The following IGF1R variants were observed in gnomAD, a reference collection of about 807,000 sequenced individuals.
The protein encoded by IGF1R is insulin-like growth factor 1 receptor.
A neutral mutation model predicts 144.6 loss-of-function variants in IGF1R; 44 were observed. The ratio of observed to expected loss-of-function variants is 0.30; its 90% CI spans 0.24 to 0.39. The LOEUF is 0.39. Among genes scored for constraint, IGF1R ranks in the 10% least tolerant of loss-of-function variants. The probability of loss-of-function intolerance (pLI) is 1.00; values close to 1 mark genes in which losing one functional copy is unlikely to be tolerated. For missense variants in IGF1R, 1,355 were observed against 1,833.7 expected (o/e 0.74, Z 4.77); for synonymous variants, 795 against 722.8 (o/e 1.10, Z -1.60).
At chr15:98,885,184 G>A (rs538419137) in intron 2 of IGF1R, among the ~76,000 whole-genome samples, 239 of 152,298 alleles carry the variant, frequency 1.6e-3, no homozygotes, top group African/African-American at 5.5e-3. Context: ...TGAGCCCTGG[G>A]AGGGCTGGGC....
chr15:98,799,696 G>A (rs549801762), intron 2 of IGF1R, among the ~76,000 whole-genome samples: 2 of 152,304 alleles, frequency 1.3e-5, no homozygotes, highest in East Asian at 3.9e-4. Flanking sequence ...AGTGCTGAGG[G>A]CTGCTGTTAC....
At chr15:98,712,080 T>C (rs995804316) in intron 2 of IGF1R, among the ~76,000 whole-genome samples, 1 of 152,178 alleles carries the variant, frequency 6.6e-6, no homozygotes, top group Non-Finnish European at 1.5e-5. Flanking sequence ...CATAAGAATT[T>C]TGAGGGGACA....
At position 98,888,213 on chromosome 15, in the gene IGF1R, C is replaced by T. The variant is rs144799545; in HGVS notation, c.641-3112C>T. ...GGGGACAGGATTGTCGCTGATCCTGCGTGCATCTGTCTGGCACACAGGTGC... is the reference window on the plus strand; with the variant it reads ...GGGGACAGGATTGTCGCTGATCCTGTGTGCATCTGTCTGGCACACAGGTGC... On this transcript the variant is annotated intron_variant, in intron 2 of 20. Transcript: ENST00000650285. 2.6e-5 allele frequency among the ~76,000 whole-genome samples: 4 copies of T among 152,306 alleles called. No homozygotes were observed. In the South Asian group the frequency reaches 8.3e-4, roughly 32 times the overall value.
At chr15:98,850,025 TAGAG>T (rs2011475715) in intron 2 of IGF1R, among the ~76,000 whole-genome samples, 1 of 152,192 alleles carries the variant, frequency 6.6e-6, no homozygotes, top group Non-Finnish European at 1.5e-5. Flanking sequence ...CCACCAATCT[TAGAG>T]GGGGCATTTA....
At chr15:98,805,001 A>G (rs908860709) in intron 2 of IGF1R, among the ~76,000 whole-genome samples, 5 of 152,224 alleles carry the variant, frequency 3.3e-5, no homozygotes, top group Admixed American at 3.3e-4. Flanking sequence ...CGGCCGCTGC[A>G]GAGAATTTTT....
intron 2 of IGF1R, among the ~76,000 whole-genome samples, chr15:98,783,347 C>T (rs546355993): frequency 1.6e-4 from 25 of 152,272 alleles, no homozygotes; most frequent in African/African-American, 4.8e-4. Context: ...TACAAACTAA[C>T]CTGTTCTCTC....
chr15:98,767,839 C>T (rs2055473460), intron 2 of IGF1R, among the ~76,000 whole-genome samples: 1 of 152,282 alleles, frequency 6.6e-6, no homozygotes. Flanking sequence ...AGGTGGGGAA[C>T]ACTGTGTCTC....
intron 1 of IGF1R, among the ~76,000 whole-genome samples, chr15:98,682,501 A>G (rs758151538): frequency 5.9e-5 from 9 of 152,162 alleles, no homozygotes; most frequent in Non-Finnish European, 1.3e-4. Flanking sequence ...GAGCTTGTCT[A>G]CGTTTTTACA....
intron 2 of IGF1R, among the ~76,000 whole-genome samples, chr15:98,884,907 C>T (rs563013425): frequency 9.9e-5 from 15 of 152,232 alleles, no homozygotes; most frequent in Admixed American, 8.5e-4. Context: ...CCAGGCTCTC[C>T]CTACCTCAGG....
chr15:98,905,491 T>TAA (rs67289421), intron 5 of IGF1R, among the ~76,000 whole-genome samples: 1 of 142,436 alleles, frequency 7.0e-6, no homozygotes, highest in Non-Finnish European at 1.5e-5. Flanking sequence ...TACCAGCTGT[T>TAA]AAAAAAAAAA....
At chr15:98,846,349 A>T (rs990612394) in intron 2 of IGF1R, among the ~76,000 whole-genome samples, 4 of 152,236 alleles carry the variant, frequency 2.6e-5, no homozygotes, top group African/African-American at 7.2e-5. Context: ...ATTGACCAGG[A>T]TGAAGACACA....
At chr15:98,883,183 G>A (rs529054808) in intron 2 of IGF1R, among the ~76,000 whole-genome samples, 14 of 152,204 alleles carry the variant, frequency 9.2e-5, no homozygotes, top group Non-Finnish European at 1.5e-4. Context: ...CACAGCGCTT[G>A]CCACTTGAAC....
intron 2 of IGF1R, among the ~76,000 whole-genome samples, chr15:98,834,192 G>A (rs2057053250): frequency 6.6e-6 from 1 of 152,126 alleles, no homozygotes; most frequent in African/African-American, 2.4e-5. Flanking sequence ...TACCTTTTTT[G>A]GGAAAGAGTT....
chr15:98,841,459 A>C (rs2011173435), intron 2 of IGF1R, among the ~76,000 whole-genome samples: 1 of 152,236 alleles, frequency 6.6e-6, no homozygotes. Context: ...GTGCTGAATA[A>C]GTATCAGCTA....
At chr15:98,888,434 A>AGT (rs1485692023) in intron 2 of IGF1R, among the ~76,000 whole-genome samples, 1 of 20,460 alleles carries the variant, frequency 4.9e-5, no homozygotes, top group Non-Finnish European at 2.1e-4. Flanking sequence ...TGAGAGAGAG[A>AGT]GAGAGTGTGT....
At chr15:98,865,542 T>G (rs899010234) in intron 2 of IGF1R, among the ~76,000 whole-genome samples, 1 of 152,176 alleles carries the variant, frequency 6.6e-6, no homozygotes, top group Non-Finnish European at 1.5e-5. Context: ...GGCTTCGGCA[T>G]GTGCTAAAGT....
At position 98,839,840 on chromosome 15, in the gene IGF1R, C is replaced by T. The variant is rs541065339; in HGVS notation, c.641-51485C>T. Among the ~76,000 whole-genome samples, 7 of 152,312 alleles carry T rather than the reference C, an allele frequency of 4.6e-5. No homozygotes were observed. In the East Asian group the frequency reaches 1.2e-3, roughly 25 times the overall value. On this transcript the variant is annotated intron_variant, in intron 2 of 20. Coordinates refer to ENST00000650285, the MANE Select transcript of IGF1R (RefSeq NM_000875.5). ...TCATCTGTGGTATAGATGTGGATGT[C>T]TTTGTTCAAATGGTCCTTGAGTCTT...
At chr15:98,815,820 G>A (rs1278249945) in intron 2 of IGF1R, among the ~76,000 whole-genome samples, 5 of 152,188 alleles carry the variant, frequency 3.3e-5, no homozygotes, top group Non-Finnish European at 7.3e-5. Flanking sequence ...AGCCTGTTCT[G>A]TAGTTGCCTT....
In IGF1R at chr15:98,957,534, C is replaced by A. The variant is rs1047491214; in HGVS notation, c.*92C>A. On this transcript the variant is annotated 3_prime_UTR_variant, in exon 21 of 21. Coordinates refer to ENST00000650285, the MANE Select transcript of IGF1R (RefSeq NM_000875.5). The stretch of plus-strand genomic sequence containing the variant: ...AGAGTTTTAACAATCCATTCACAAG[C>A]CTCCTGTACCTCAGTGGATCTTCAG... 26 of 1,510,240 alleles carry A rather than the reference C, an allele frequency of 1.7e-5. No homozygotes were observed. The highest frequency in any genetic ancestry group is 2.3e-5 in the Non-Finnish European group (25 of 1,095,992). The allele number at this position is 1,510,240 out of a possible 1,614,324, so 93.6% of individuals were successfully genotyped here.
Sources: allele counts gnomAD v4.1 joint callset (sites outside exome capture counted in the v4.1 genomes callset), GRCh38; gene constraint gnomAD v4.1.1; transcripts MANE v1.5; gene names NCBI Gene and HGNC (gene_info 2026-07-23, HGNC 2026-07-21).